FNIP1: variants seen among roughly 807,000 people sequenced by gnomAD.
The protein encoded by FNIP1 is folliculin-interacting protein 1.
In FNIP1, 40 loss-of-function variants were observed where a neutral mutation model predicts 124.5. The ratio of observed to expected loss-of-function variants is 0.32; its 90% CI spans 0.25 to 0.42. The LOEUF (loss-of-function observed/expected upper bound fraction) is 0.42. Ranked by LOEUF, FNIP1 falls within the 10% of genes least tolerant of loss-of-function variation. The pLI is 1.00. For missense variants in FNIP1, 1,176 were observed against 1,403.7 expected, an observed-to-expected ratio of 0.84 and a Z score of 2.59; for synonymous variants, 472 against 470.6, an observed-to-expected ratio of 1.00 and a Z score of -0.04.
At chr5:131,750,685 T>C (rs1402293537) in intron 1 of FNIP1, among the ~76,000 whole-genome samples, 4 of 151,656 alleles carry the variant, frequency 2.6e-5, no homozygotes, top group African/African-American at 9.7e-5. Flanking sequence ...TGATCTCGGC[T>C]CACTGCAACT....
Position 131,744,626 on chromosome 5 carries a change from G to C in FNIP1, c.157C>G (p.Arg53Gly). Reference sequence around the variant, plus strand: ...GAGTCAAACAAAACATTTCTCCCTCGTCTTTCACAGTCTTGATATACAATC... The same window carrying C: ...GAGTCAAACAAAACATTTCTCCCTCCTCTTTCACAGTCTTGATATACAATC... ...RLIVYQDCER[R>G]GRNVLFDSSV... Residue 53 changes from arginine (R) to glycine (G), a missense_variant, in exon 2 of 18, where the codon CGA (arginine) becomes GGA (glycine). Physicochemically the swap from Arg to Gly is moderately radical, Grantham distance 125. Coordinates refer to ENST00000510461, the MANE Select transcript of FNIP1 (RefSeq NM_133372.3). 1 of 1,611,300 alleles carries C rather than the reference G, an allele frequency of 6.2e-7. No homozygotes were observed. Among genetic ancestry groups the C allele is most frequent in the Non-Finnish European group, 8.5e-7 (1 of 1,178,710 alleles).
At chr5:131,689,489 A>G (rs1768402141) in intron 11 of FNIP1, among the ~76,000 whole-genome samples, 1 of 152,194 alleles carries the variant, frequency 6.6e-6, no homozygotes, top group African/African-American at 2.4e-5. Flanking sequence ...ATCATAGCTA[A>G]TGGAAAATTA....
Position 131,645,309 on chromosome 5 carries a change from C to CAA in FNIP1, c.3423-548_3423-547dup, listed in dbSNP as rs34663555. ...AGGGCAACAGAGCAAGACCCTGTCT[C>CAA]AAAAAAAAAAAAAAACAAAGAATAA... On this transcript the variant is annotated intron_variant, in intron 17 of 17. Transcript: ENST00000510461. Among the ~76,000 whole-genome samples, 368 of 132,286 alleles carry CAA rather than the reference C, an allele frequency of 2.8e-3. 2 individuals carry two copies. The highest frequency in any genetic ancestry group is 8.7e-3 in the South Asian group (37 of 4,274). The allele number at this position is 132,286 out of a possible 152,430, so 86.8% of individuals were successfully genotyped here.
At chr5:131,699,518 C>T (rs575380030) in intron 10 of FNIP1, among the ~76,000 whole-genome samples, 98 of 151,682 alleles carry the variant, frequency 6.5e-4, no homozygotes, top group South Asian at 2.1e-3. Context: ...CTCAGTCTCC[C>T]GAGTAGCTGG....
At chr5:131,750,005 T>C (rs984615149) in intron 1 of FNIP1, among the ~76,000 whole-genome samples, 1 of 152,166 alleles carries the variant, frequency 6.6e-6, no homozygotes, top group Admixed American at 6.5e-5. Flanking sequence ...AAACATAAGA[T>C]TTCCAGGCAA....
chr5:131,783,041 T>C (rs547174424), intron 1 of FNIP1, among the ~76,000 whole-genome samples: 1 of 152,374 alleles, frequency 6.6e-6, no homozygotes, highest in Admixed American at 6.5e-5. Context: ...CTTAACAGAC[T>C]ACAGCGTAGT....
chr5:131,768,729 G>A (rs1412731806), intron 1 of FNIP1, among the ~76,000 whole-genome samples: 1 of 152,140 alleles, frequency 6.6e-6, no homozygotes, highest in Non-Finnish European at 1.5e-5. Flanking sequence ...AACCCGGGAG[G>A]CTGAGGTTGC....
intron 15 of FNIP1, among the ~76,000 whole-genome samples, chr5:131,666,385 AGG>A (rs1157069396): frequency 6.6e-6 from 1 of 152,294 alleles, no homozygotes; most frequent in East Asian, 1.9e-4. Context: ...ACTAAAACAG[AGG>A]GGGAAAGACA....
At chr5:131,773,522 A>C (rs1771710064) in intron 1 of FNIP1, among the ~76,000 whole-genome samples, 1 of 152,162 alleles carries the variant, frequency 6.6e-6, no homozygotes. Flanking sequence ...CAGGCAACAA[A>C]CTTCAGAGGT....
At position 131,762,752 on chromosome 5, in the gene FNIP1, C is replaced by T. The variant is rs558342532; in HGVS notation, c.93-18062G>A. 5.9e-5 allele frequency among the ~76,000 whole-genome samples: 9 copies of T among 152,136 alleles called. No homozygotes were observed. The South Asian group carries it at 1.7e-3, about 28-fold the overall frequency. On this transcript the variant is annotated intron_variant, in intron 1 of 17. Transcript: ENST00000510461. ...CAGCAATCCCACTGCTAAGCATATA[C>T]CCAAAAGAAAGGAAATCAGTGGGAA...
At position 131,704,279 on chromosome 5, in the gene FNIP1, T is replaced by C. The variant is rs370878933; in HGVS notation, c.915-13A>G. On this transcript the variant is annotated splice_polypyrimidine_tract_variant and intron_variant, in intron 9 of 17. Coordinates refer to ENST00000510461, the MANE Select transcript of FNIP1 (RefSeq NM_133372.3). Reference sequence around the variant, plus strand: ...TTCTTCTATAGACCTTAAAAATAAATGATTTTTTATTAATTTACAAAAGTA... The same window carrying C: ...TTCTTCTATAGACCTTAAAAATAAACGATTTTTTATTAATTTACAAAAGTA... The C allele has an allele frequency of 4.2e-5, 64 of 1,535,730 alleles. No individual in the cohort carries two copies. The highest frequency in any genetic ancestry group is 5.5e-5 in the Non-Finnish European group (63 of 1,137,710).
intron 10 of FNIP1, among the ~76,000 whole-genome samples, chr5:131,699,972 G>A (rs1768841987): frequency 6.8e-6 from 1 of 146,192 alleles, no homozygotes. Flanking sequence ...GATAGCTAAA[G>A]GTGTTAGTAA....
chr5:131,727,037 T>C (rs1769902118), intron 3 of FNIP1, among the ~76,000 whole-genome samples: 2 of 152,216 alleles, frequency 1.3e-5, no homozygotes, highest in Admixed American at 6.5e-5. Context: ...TTCCATTCTT[T>C]TGCATTTGCT....
At chr5:131,776,885 G>A (rs1771825972) in intron 1 of FNIP1, among the ~76,000 whole-genome samples, 1 of 152,102 alleles carries the variant, frequency 6.6e-6, no homozygotes, top group South Asian at 2.1e-4. Context: ...AAACTGTACT[G>A]AGGTGTATGT....
intron 14 of FNIP1, 98 bp from the exon 15 acceptor site, chr5:131,670,729 A>C: frequency 1.2e-6 from 1 of 842,026 alleles, no homozygotes; most frequent in Non-Finnish European, 1.8e-6. Context: ...CATATTTTAC[A>C]CTAGTCTGTA....
chr5:131,739,167 T>C (rs567319220), intron 2 of FNIP1, among the ~76,000 whole-genome samples: 27 of 152,296 alleles, frequency 1.8e-4, no homozygotes, highest in African/African-American at 6.3e-4. Context: ...TCATTTTTTC[T>C]TTTGTAATGT....
chr5:131,649,971 T>C lies in FNIP1; in HGVS notation c.3306+1831A>G, dbSNP rs1257339733. On this transcript the variant is annotated intron_variant, in intron 16 of 17. Transcript: ENST00000510461. ...TTTTAGGATCTCCATTCTATTCCAT[T>C]GGTCTATATACCTGTCCTTATGCCA... Among the ~76,000 whole-genome samples, 3 of 152,208 alleles carry C rather than the reference T, an allele frequency of 2.0e-5. No individual in the cohort carries two copies. The East Asian group carries it at 5.8e-4, about 29-fold the overall frequency.
At chr5:131,650,000 G>A (rs1162049738) in intron 16 of FNIP1, among the ~76,000 whole-genome samples, 3 of 152,160 alleles carry the variant, frequency 2.0e-5, no homozygotes, top group Admixed American at 1.3e-4. Flanking sequence ...TATGCCAGTA[G>A]CACAATGTTT....
Position 131,671,807 on chromosome 5 carries a change from CTTG to C in FNIP1, c.2634_2636del (p.Asn878del), listed in dbSNP as rs1395496854. On this transcript the variant is annotated inframe_deletion, in exon 14 of 18. Coordinates refer to ENST00000510461, the MANE Select transcript of FNIP1 (RefSeq NM_133372.3). ...TACATTTACAAAATTCATTGTTCTG[CTTG>C]TTATTTTTTGTACACAATATTTTTG... The C allele has an allele frequency of 1.2e-5, 19 of 1,613,980 alleles. No individual in the cohort carries two copies. The highest frequency in any genetic ancestry group is 1.5e-5 in the Non-Finnish European group (18 of 1,179,996).
Sources: allele counts gnomAD v4.1 joint callset (sites outside exome capture counted in the v4.1 genomes callset), GRCh38; gene constraint gnomAD v4.1.1; transcripts MANE v1.5; gene names NCBI Gene and HGNC (gene_info 2026-07-23, HGNC 2026-07-21).